The following KANSL3 variants were observed in gnomAD, a reference collection of about 807,000 sequenced individuals.
KANSL3 encodes NSL complex protein NSL3.
A neutral mutation model predicts 89.2 loss-of-function variants in KANSL3; 16 were observed. The observed-to-expected ratio is 0.18, with a 90% CI of 0.12 to 0.27. The LOEUF is 0.27. Ranked by LOEUF, KANSL3 falls within the 10% of genes least tolerant of loss-of-function variation. The pLI is 1.00. For synonymous variants in KANSL3, 385 were observed against 419.7 expected (o/e 0.92, Z 1.01); for missense variants, 879 against 1,110.6 (o/e 0.79, Z 2.96).
At position 96,633,823 on chromosome 2, in the gene KANSL3, C is replaced by G. The variant is rs1204812629; in HGVS notation, c.216-2341G>C. ...GAGGTTACCATGAGCCAAGATTGCACCACTGCACTCCAGCCTGGGTGACAG... is the reference window on the plus strand; with the variant it reads ...GAGGTTACCATGAGCCAAGATTGCAGCACTGCACTCCAGCCTGGGTGACAG... On this transcript the variant is annotated intron_variant, in intron 2 of 20. Coordinates refer to ENST00000431828, the MANE Select transcript of KANSL3 (RefSeq NM_001115016.3). Among the ~76,000 whole-genome samples, 8 of 152,112 alleles carry G rather than the reference C, an allele frequency of 5.3e-5. No individual in the cohort carries two copies. In the East Asian group the frequency reaches 1.5e-3, roughly 29 times the overall value.
At chr2:96,625,921 A>ATAGC (rs2072214513) in intron 3 of KANSL3, among the ~76,000 whole-genome samples, 2 of 152,202 alleles carry the variant, frequency 1.3e-5, no homozygotes, top group African/African-American at 4.8e-5. Flanking sequence ...AAACAGTCAA[A>ATAGC]TAGCTGATGG....
chr2:96,629,108 A>G (rs2072916266), intron 3 of KANSL3, among the ~76,000 whole-genome samples: 1 of 152,232 alleles, frequency 6.6e-6, no homozygotes, highest in Admixed American at 6.5e-5. Context: ...GGATTAAGAG[A>G]CAATGCATTT....
intron 2 of KANSL3, among the ~76,000 whole-genome samples, chr2:96,632,660 G>A (rs2073599529): frequency 6.6e-6 from 1 of 152,144 alleles, no homozygotes; most frequent in Non-Finnish European, 1.5e-5. Flanking sequence ...TACAAATGGA[G>A]AAAAGTGGCT....
At chr2:96,599,890 G>A (rs2066939667) in intron 20 of KANSL3, 1 of 154,504 alleles carries the variant, frequency 6.5e-6, no homozygotes, top group African/African-American at 2.4e-5. Flanking sequence ...GAATTGTAAA[G>A]TAGCAAAAAC....
chr2:96,597,394 A>G (rs2066639118), intron 20 of KANSL3, among the ~76,000 whole-genome samples: 1 of 152,200 alleles, frequency 6.6e-6, no homozygotes, highest in African/African-American at 2.4e-5. Context: ...ACCAAAGCCC[A>G]GAAGGATAGG....
chr2:96,595,736 G>C, intron 20 of KANSL3, 105 bp from the exon 21 acceptor site: 1 of 1,285,940 alleles, frequency 7.8e-7, no homozygotes, highest in South Asian at 1.4e-5. Flanking sequence ...TTATTTTAAA[G>C]AATTAATTCT....
intron 20 of KANSL3, among the ~76,000 whole-genome samples, chr2:96,600,235 A>C (rs2066988732): frequency 6.6e-6 from 1 of 152,222 alleles, no homozygotes; most frequent in African/African-American, 2.4e-5. Flanking sequence ...TAAATAAAAT[A>C]ACATACTTTG....
chr2:96,630,512 C>G (rs2073189319), intron 3 of KANSL3, among the ~76,000 whole-genome samples: 1 of 152,132 alleles, frequency 6.6e-6, no homozygotes, highest in African/African-American at 2.4e-5. Flanking sequence ...TTCCTAGGGA[C>G]CAGAGAAGCT....
chr2:96,601,964 TG>T, intron 19 of KANSL3, 151 bp downstream of exon 19: 3 of 1,171,532 alleles, frequency 2.6e-6, no homozygotes, highest in South Asian at 1.6e-5. Flanking sequence ...TCAACCTCTC[TG>T]GGGGATGGGT....
intron 5 of KANSL3, among the ~76,000 whole-genome samples, chr2:96,617,812 A>T (rs1242234737): frequency 6.6e-6 from 1 of 151,826 alleles, no homozygotes; most frequent in African/African-American, 2.4e-5. Flanking sequence ...GTGAAACCCT[A>T]TCTCTACTAA....
At chr2:96,627,834 G>A in intron 3 of KANSL3, 2 of 1,074,966 alleles carry the variant, frequency 1.9e-6, no homozygotes, top group South Asian at 2.6e-5. Flanking sequence ...ACAGATTCAG[G>A]GACAGGGTCA....
intron 18 of KANSL3, 64 bp from the exon 19 acceptor site, chr2:96,602,402 G>A (rs2067309626): frequency 4.9e-6 from 6 of 1,217,638 alleles, no homozygotes; most frequent in African/African-American, 1.5e-5. Context: ...CGAGCTTGGA[G>A]GGCCCACAGC....
downstream of KANSL3, among the ~76,000 whole-genome samples, chr2:96,592,148 A>G (rs2066286948): frequency 6.6e-6 from 1 of 152,076 alleles, no homozygotes; most frequent in Non-Finnish European, 1.5e-5. Flanking sequence ...TTGAGGGAGA[A>G]GACAGCAAAC....
At chr2:96,618,990 T>C (rs897207245) in intron 5 of KANSL3, among the ~76,000 whole-genome samples, 1 of 152,242 alleles carries the variant, frequency 6.6e-6, no homozygotes, top group Admixed American at 6.5e-5. Context: ...AATCTCCCAG[T>C]GCTCCGAGCA....
chr2:96,581,262 A>T, the KANSL3 span, among the ~76,000 whole-genome samples: 55 of 152,274 alleles, frequency 3.6e-4, no homozygotes, highest in East Asian at 8.5e-3. Flanking sequence ...CATCTCTACT[A>T]AAAATACAAA....
chr2:96,590,701 T>C (rs1479860379), downstream of KANSL3, among the ~76,000 whole-genome samples: 1 of 149,328 alleles, frequency 6.7e-6, no homozygotes, highest in Non-Finnish European at 1.5e-5. Context: ...TGCATACAAT[T>C]GGCTGGGCAC....
chr2:96,593,549 A>T lies in KANSL3; in HGVS notation c.*2062T>A. ...TCCTCTGTTACCCTGTGCAAGTTGT[A>T]GAACAATCCACGTTCTCACAGCTCC... is the stretch of plus-strand genomic sequence containing the variant. On this transcript the variant is annotated 3_prime_UTR_variant, in exon 21 of 21. Transcript: ENST00000431828. 3.0e-6 allele frequency: 1 copy of T among 332,908 alleles called. No individual in the cohort carries two copies. The highest frequency in any genetic ancestry group is 2.4e-5 in the South Asian group (1 of 40,938). The allele number at this position is 332,908 out of a possible 1,614,324, so 20.6% of individuals were successfully genotyped here. A position where few individuals can be genotyped will look rare whatever the true frequency, so the allele number is the denominator to read the frequency against.
At chr2:96,604,896 A>G (rs2067743024) in intron 15 of KANSL3, 33 bp from the exon 16 acceptor site, 1 of 1,546,396 alleles carries the variant, frequency 6.5e-7, no homozygotes, top group Non-Finnish European at 8.8e-7. Context: ...GCCCCTGGTC[A>G]GTCCTATTTG....
At chr2:96,615,821 G>T (rs1407094796) in intron 5 of KANSL3, among the ~76,000 whole-genome samples, 1 of 152,142 alleles carries the variant, frequency 6.6e-6, no homozygotes, top group Non-Finnish European at 1.5e-5. Context: ...GTACTGCAGA[G>T]GAATTTAATC....
Sources: allele counts gnomAD v4.1 joint callset (sites outside exome capture counted in the v4.1 genomes callset), GRCh38; gene constraint gnomAD v4.1.1; transcripts MANE v1.5; gene names NCBI Gene and HGNC (gene_info 2026-07-23, HGNC 2026-07-21).